FIG4: variants seen among roughly 807,000 people sequenced by gnomAD.
FIG4 encodes the protein polyphosphoinositide phosphatase.
In FIG4, 112 loss-of-function variants were observed where a neutral mutation model predicts 118.6. The observed-to-expected ratio is 0.94, with a 90% CI of 0.81 to 1.11. The LOEUF is 1.11. FIG4 is among the 50% of genes least tolerant of loss of function. The probability of loss-of-function intolerance (pLI) is 0.00; values close to 1 mark genes in which losing one functional copy is unlikely to be tolerated. For missense variants in FIG4, 969 were observed against 1,111.7 expected (o/e 0.87, Z 1.83); for synonymous variants, 369 against 381.2 (o/e 0.97, Z 0.37).
chr6:109,721,517 C>T (rs774630261), intron 3 of FIG4, among the ~76,000 whole-genome samples: 1 of 152,210 alleles, frequency 6.6e-6, no homozygotes, highest in Non-Finnish European at 1.5e-5. Flanking sequence ...CTTTGCTTGG[C>T]TTCCCTCTCA....
At chr6:109,795,938 A>G (rs1251082945) in intron 21 of FIG4, among the ~76,000 whole-genome samples, 2 of 152,170 alleles carry the variant, frequency 1.3e-5, no homozygotes, top group Admixed American at 6.5e-5. Context: ...GTAACCTCCC[A>G]TGGGCAAATT....
Position 109,779,225 on chromosome 6 carries a change from A to G in FIG4, c.1889+2165A>G, listed in dbSNP as rs1375311492. On this transcript the variant is annotated intron_variant, in intron 16 of 22. Coordinates refer to ENST00000230124, the MANE Select transcript of FIG4 (RefSeq NM_014845.6). Reference sequence around the variant, plus strand: ...TATGGTTGATTTTCTGAAATTTTGTATTACTTTAAAGTGTTGAAGCTATTT... The same window carrying G: ...TATGGTTGATTTTCTGAAATTTTGTGTTACTTTAAAGTGTTGAAGCTATTT... Among the ~76,000 whole-genome samples, 5 of 152,290 alleles carry G rather than the reference A, an allele frequency of 3.3e-5. No homozygotes were observed. The South Asian group carries it at 8.3e-4, about 25-fold the overall frequency.
intron 10 of FIG4, among the ~76,000 whole-genome samples, chr6:109,750,479 T>C (rs1380554420): frequency 6.6e-6 from 1 of 151,900 alleles, no homozygotes; most frequent in African/African-American, 2.4e-5. Context: ...CAAAATTTTT[T>C]TTTTTCAATT....
At chr6:109,820,185 T>A (rs971439216) in intron 22 of FIG4, among the ~76,000 whole-genome samples, 3 of 152,122 alleles carry the variant, frequency 2.0e-5, no homozygotes, top group Non-Finnish European at 2.9e-5. Flanking sequence ...TTGTTAATAG[T>A]AAACCTGCTT....
intron 13 of FIG4, among the ~76,000 whole-genome samples, chr6:109,764,510 A>G (rs915428507): frequency 6.6e-6 from 1 of 152,134 alleles, no homozygotes; most frequent in Non-Finnish European, 1.5e-5. Flanking sequence ...TATATATTAA[A>G]TGTTATTACT....
chr6:109,792,651 T>G lies in FIG4; in HGVS notation c.2446T>G (p.Ser816Ala), dbSNP rs754497293. Residue 816 changes from serine to alanine, a missense_variant, in exon 21 of 23, where the codon TCC (serine) becomes GCC (alanine). Physicochemically the swap from Ser to Ala is moderately conservative, Grantham distance 99 (BLOSUM62 1). Coordinates refer to ENST00000230124, the MANE Select transcript of FIG4 (RefSeq NM_014845.6). Reference protein sequence around the residue: ...LSDGLSEEDFSIYSRFVQLGQ... With the variant: ...LSDGLSEEDFAIYSRFVQLGQ... ...AGATGGCCTCTCAGAAGAAGATTTC[T>G]CCATTTATTCAAGGTGAGATACTTT... The G allele has an allele frequency of 6.4e-7, 1 of 1,574,244 alleles. No homozygotes were observed. The highest frequency in any genetic ancestry group is 1.1e-5 in the South Asian group (1 of 90,236).
At chr6:109,695,073 G>A (rs1013357132) in intron 1 of FIG4, among the ~76,000 whole-genome samples, 3 of 152,298 alleles carry the variant, frequency 2.0e-5, no homozygotes, top group Non-Finnish European at 4.4e-5. Context: ...TACTGGGTGT[G>A]TATATGAGGG....
chr6:109,791,670 A>G, intron 20 of FIG4, 99 bp downstream of exon 20: 2 of 969,970 alleles, frequency 2.1e-6, no homozygotes, highest in Non-Finnish European at 3.2e-6. Flanking sequence ...AGAAAATGTC[A>G]CATTATCTCA....
At chr6:109,703,821 C>T (rs953467538) in intron 1 of FIG4, among the ~76,000 whole-genome samples, 11 of 152,186 alleles carry the variant, frequency 7.2e-5, no homozygotes, top group Non-Finnish European at 1.5e-4. Flanking sequence ...GATGATCTTT[C>T]TTTGCTTTGA....
chr6:109,801,051 A>C (rs1562691985), intron 22 of FIG4, among the ~76,000 whole-genome samples: 1 of 152,178 alleles, frequency 6.6e-6, no homozygotes, highest in Non-Finnish European at 1.5e-5. Flanking sequence ...GAGAGATTTT[A>C]ACTAAGCCAA....
At chr6:109,786,639 C>T (rs1777967000) in intron 18 of FIG4, among the ~76,000 whole-genome samples, 190 bp downstream of exon 18, 1 of 152,138 alleles carries the variant, frequency 6.6e-6, no homozygotes, top group Non-Finnish European at 1.5e-5. Flanking sequence ...GTTCTATTGA[C>T]AGTTGGAGTT....
chr6:109,822,025 G>A (rs537924379), intron 22 of FIG4, among the ~76,000 whole-genome samples: 7 of 152,220 alleles, frequency 4.6e-5, no homozygotes, highest in African/African-American at 1.7e-4. Flanking sequence ...AGGAGATACA[G>A]GAAGACCCTG....
chr6:109,795,843 C>T (rs563330907), intron 21 of FIG4, among the ~76,000 whole-genome samples: 9 of 152,130 alleles, frequency 5.9e-5, no homozygotes, highest in South Asian at 4.2e-4. Flanking sequence ...CCTCATGATC[C>T]GCCTGCCTCG....
At chr6:109,763,813 C>G (rs1777185336) in intron 12 of FIG4, 124 bp from the exon 13 acceptor site, 1 of 722,572 alleles carries the variant, frequency 1.4e-6, no homozygotes, top group South Asian at 1.5e-5. Context: ...GCAGGATCAG[C>G]TGATTTTTCA....
rs758176471 is a variant in FIG4 at position 109,716,595 on chromosome 6, A to G, written c.289+27A>G. ...TAAGAAATCTGCCCCCCTTCTTACA[A>G]TCTCTTGTTTTTTGTTTTTGTCTTC... is the stretch of plus-strand genomic sequence containing the variant. On this transcript the variant is annotated intron_variant, in intron 3 of 22. Coordinates refer to ENST00000230124, the MANE Select transcript of FIG4 (RefSeq NM_014845.6). 4.3e-6 allele frequency: 7 copies of G among 1,612,786 alleles called. No individual in the cohort carries two copies. The East Asian group carries it at 6.7e-5, about 15-fold the overall frequency.
chr6:109,760,722 C>G (rs1360559384), intron 11 of FIG4, among the ~76,000 whole-genome samples: 1 of 152,110 alleles, frequency 6.6e-6, no homozygotes, highest in Non-Finnish European at 1.5e-5. Flanking sequence ...TGTGATAATT[C>G]CTGACTGTAT....
At position 109,715,113 on chromosome 6, in the gene FIG4, G is replaced by A. The variant is rs145711919; in HGVS notation, c.102G>A (p.Thr34=). The change falls in exon 2 of 23, where the codon ACG becomes ACA. Residue 34 remains threonine, a synonymous_variant. Transcript: ENST00000230124. ...YFLVGSNNAE[T]KYRVLKIDRT... ...TAGTTGGGAGCAATAATGCAGAAAC[G>A]AAATATCGTGTCTTGAAGATTGATA... 104 of 1,604,706 alleles carry A rather than the reference G, an allele frequency of 6.5e-5. No homozygotes were observed. Among genetic ancestry groups the A allele is most frequent in the Admixed American group, 2.5e-4 (15 of 59,928 alleles).
chr6:109,693,926 C>T (rs765753803), intron 1 of FIG4, among the ~76,000 whole-genome samples: 3 of 148,414 alleles, frequency 2.0e-5, no homozygotes, highest in African/African-American at 7.5e-5. Flanking sequence ...TTTGTTTTTA[C>T]TAATAAGCTC....
chr6:109,811,355 G>A (rs1778715331), intron 22 of FIG4, among the ~76,000 whole-genome samples: 3 of 152,138 alleles, frequency 2.0e-5, no homozygotes, highest in South Asian at 2.1e-4. Flanking sequence ...GAGTACTCAA[G>A]CAGAGGCAGA....
Sources: gnomAD v4.1 joint callset for allele counts (sites outside exome capture counted in the v4.1 genomes callset) on GRCh38, gnomAD v4.1.1 for gene constraint, MANE v1.5 for transcripts, NCBI Gene and HGNC (gene_info 2026-07-23, HGNC 2026-07-21) for gene names.